Variants in PPP2R1B observed in about 807,000 individuals in gnomAD.
The protein encoded by PPP2R1B is protein phosphatase 2 scaffold subunit Abeta.
Under a neutral mutation model 72.7 loss-of-function variants are expected in PPP2R1B, and 58 were observed. The observed-to-expected ratio is 0.80, with a 90% CI of 0.65 to 0.99. The LOEUF is 0.99. Ranked by LOEUF, PPP2R1B falls within the 50% of genes least tolerant of loss-of-function variation. PPP2R1B has a pLI of 0.00. For missense variants in PPP2R1B, 695 were observed against 733.6 expected (o/e 0.95, Z 0.61); for synonymous variants, 256 against 264.6 (o/e 0.97, Z 0.32).
Position 111,738,038 on chromosome 11 carries a change from G to A in PPP2R1B, c.*3558C>T, listed in dbSNP as rs1469722846. On this transcript the variant is annotated 3_prime_UTR_variant, in exon 15 of 15. Coordinates refer to ENST00000527614, the MANE Select transcript of PPP2R1B (RefSeq NM_002716.5). ...AACAGCAGGCTCGTGGAGGCAAACGGGGGACAGTGAGACTATTCTAGGTAC... is the reference window on the plus strand; with the variant it reads ...AACAGCAGGCTCGTGGAGGCAAACGAGGGACAGTGAGACTATTCTAGGTAC... The A allele has an allele frequency of 3.0e-6, 3 of 1,010,172 alleles. No homozygotes were observed. The highest frequency in any genetic ancestry group is 5.1e-5 in the Admixed American group (1 of 19,432). The allele number at this position is 1,010,172 out of a possible 1,614,324, so 62.6% of individuals were successfully genotyped here.
At chr11:111,745,047 ATTTTT>A (rs10579316) in intron 11 of PPP2R1B, among the ~76,000 whole-genome samples, 1 of 84,986 alleles carries the variant, frequency 1.2e-5, no homozygotes, top group Non-Finnish European at 2.4e-5. Context: ...TTCTCCTCTA[ATTTTT>A]TTTTTTTTTT....
downstream of PPP2R1B, among the ~76,000 whole-genome samples, chr11:111,733,502 T>G (rs1944254937): frequency 6.6e-6 from 1 of 152,188 alleles, no homozygotes; most frequent in Non-Finnish European, 1.5e-5. Context: ...TCAGGTCGGC[T>G]GGGACAGTTC....
intron 10 of PPP2R1B, among the ~76,000 whole-genome samples, chr11:111,750,147 A>G (rs1252169412): frequency 6.6e-6 from 1 of 152,204 alleles, no homozygotes; most frequent in Non-Finnish European, 1.5e-5. Context: ...ATTTTATAAA[A>G]CATATAATGC....
At chr11:111,733,083 G>A (rs1053069882), downstream of PPP2R1B, among the ~76,000 whole-genome samples, 1 of 152,194 alleles carries the variant, frequency 6.6e-6, no homozygotes, top group Non-Finnish European at 1.5e-5. Flanking sequence ...CCTCCCCCCA[G>A]GTATGAAGCT....
At chr11:111,765,991 G>C in intron 1 of PPP2R1B, 1 of 582,938 alleles carries the variant, frequency 1.7e-6, no homozygotes, top group Non-Finnish European at 3.2e-6. Flanking sequence ...CGGGTTCCCC[G>C]ACAACCGCCC....
At chr11:111,751,331 G>A (rs1341526632) in intron 10 of PPP2R1B, among the ~76,000 whole-genome samples, 1 of 151,756 alleles carries the variant, frequency 6.6e-6, no homozygotes, top group Non-Finnish European at 1.5e-5. Flanking sequence ...AGTCACAAAG[G>A]CATTAAATAT....
chr11:111,710,608 G>A, the PPP2R1B span, among the ~76,000 whole-genome samples: 1 of 152,180 alleles, frequency 6.6e-6, no homozygotes, highest in African/African-American at 2.4e-5. Context: ...ACATTCTTGT[G>A]ATCATTTGAA....
chr11:111,703,433 T>A, the PPP2R1B span: 1 of 1,612,414 alleles, frequency 6.2e-7, no homozygotes, highest in Non-Finnish European at 8.5e-7. Context: ...GGTAAAGTGA[T>A]CAGAGATTTC....
chr11:111,763,303 A>T (rs929336333), intron 3 of PPP2R1B, among the ~76,000 whole-genome samples: 40 of 152,194 alleles, frequency 2.6e-4, no homozygotes, highest in African/African-American at 9.4e-4. Context: ...GGCCTTTTGC[A>T]GTCTGTTCCC....
the PPP2R1B span, among the ~76,000 whole-genome samples, chr11:111,715,367 CAT>C: frequency 6.6e-5 from 10 of 152,212 alleles, no homozygotes; most frequent in South Asian, 1.2e-3. Context: ...GAGACTGCCT[CAT>C]GTGCATTTAC....
intron 5 of PPP2R1B, among the ~76,000 whole-genome samples, chr11:111,757,191 A>C (rs1236178803): frequency 1.3e-5 from 2 of 152,194 alleles, no homozygotes; most frequent in African/African-American, 4.8e-5. Flanking sequence ...TGTATTATAC[A>C]TATATAAGGT....
intron 7 of PPP2R1B, 81 bp from the exon 8 acceptor site, chr11:111,754,650 C>A: frequency 6.6e-7 from 1 of 1,512,808 alleles, no homozygotes; most frequent in South Asian, 1.3e-5. Flanking sequence ...CCAGGTTTAT[C>A]AATAATTTCA....
downstream of PPP2R1B, chr11:111,737,376 C>T: frequency 2.5e-6 from 4 of 1,609,668 alleles, no homozygotes; most frequent in Non-Finnish European, 3.4e-6. Context: ...TGGCAGCTCC[C>T]TGCACACCAT....
intron 7 of PPP2R1B, 87 bp downstream of exon 7, chr11:111,754,893 C>T (rs1351265392): frequency 1.6e-6 from 2 of 1,246,482 alleles, no homozygotes; most frequent in Non-Finnish European, 2.3e-6. Flanking sequence ...AAAACATATT[C>T]TAGAACAAAA....
At chr11:111,700,916 G>A in the PPP2R1B span, 5 of 1,614,014 alleles carry the variant, frequency 3.1e-6, no homozygotes, top group Non-Finnish European at 4.2e-6. Context: ...TTTAAAAGTG[G>A]TGAACTGCTG....
At chr11:111,736,580 C>T (rs193191295), downstream of PPP2R1B, among the ~76,000 whole-genome samples, 15 of 152,296 alleles carry the variant, frequency 9.8e-5, no homozygotes, top group East Asian at 1.9e-3. Flanking sequence ...ACTGCAGGAA[C>T]GGCTGGAGCT....
the PPP2R1B span, chr11:111,700,815 A>C: frequency 6.4e-7 from 1 of 1,570,298 alleles, no homozygotes; most frequent in Non-Finnish European, 8.7e-7. Context: ...CATATTAGAA[A>C]ATTTATTACA....
At chr11:111,711,911 G>C in the PPP2R1B span, among the ~76,000 whole-genome samples, 1 of 152,208 alleles carries the variant, frequency 6.6e-6, no homozygotes, top group East Asian at 1.9e-4. Flanking sequence ...AATTGAACGA[G>C]GAACATTCTT....
downstream of PPP2R1B, among the ~76,000 whole-genome samples, chr11:111,735,005 C>T (rs939054119): frequency 6.6e-6 from 1 of 152,200 alleles, no homozygotes; most frequent in Non-Finnish European, 1.5e-5. Context: ...AAGAGACCCG[C>T]ATCGAAAGGC....
Sources: allele counts gnomAD v4.1 joint callset (sites outside exome capture counted in the v4.1 genomes callset), GRCh38; gene constraint gnomAD v4.1.1; transcripts MANE v1.5; gene names NCBI Gene and HGNC (gene_info 2026-07-23, HGNC 2026-07-21).